The following SLC2A9 variants were observed in gnomAD, a reference collection of about 807,000 sequenced individuals.
The protein encoded by SLC2A9 is solute carrier family 2, facilitated glucose transporter member 9.
Under a neutral mutation model 50.6 loss-of-function variants are expected in SLC2A9, and 39 were observed. The observed-to-expected ratio is 0.77, with a 90% CI of 0.60 to 1.01. SLC2A9 has a LOEUF of 1.01. Ranked by LOEUF, SLC2A9 falls within the 50% of genes least tolerant of loss-of-function variation. SLC2A9 has a pLI of 0.00. For missense variants in SLC2A9, 686 were observed against 677.6 expected (o/e 1.01, Z -0.14); for synonymous variants, 324 against 276.9 (o/e 1.17, Z -1.69).
intron 3 of SLC2A9, among the ~76,000 whole-genome samples, chr4:9,807,905 A>G (rs1722333873): frequency 6.6e-6 from 1 of 152,228 alleles, no homozygotes; most frequent in African/African-American, 2.4e-5. Flanking sequence ...GTGAAGGTGG[A>G]CGACATGGTT....
chr4:9,786,065 C>G (rs1719180880), intron 3 of SLC2A9, among the ~76,000 whole-genome samples: 1 of 152,164 alleles, frequency 6.6e-6, no homozygotes, highest in South Asian at 2.1e-4. Flanking sequence ...GGGATTGTTC[C>G]TGGTGCCCTC....
intron 2 of SLC2A9, among the ~76,000 whole-genome samples, chr4:10,014,670 C>T (rs987053954): frequency 2.0e-5 from 3 of 152,212 alleles, no homozygotes; most frequent in Admixed American, 6.5e-5. Context: ...TACAGTCCTT[C>T]AGCTGTCCTG....
chr4:9,902,473 T>C (rs1739819588), intron 8 of SLC2A9, among the ~76,000 whole-genome samples: 1 of 152,202 alleles, frequency 6.6e-6, no homozygotes, highest in East Asian at 1.9e-4. Flanking sequence ...CAAGAGTAAC[T>C]GCGTGAGTTT....
intron 3 of SLC2A9, among the ~76,000 whole-genome samples, chr4:9,792,200 A>G (rs940171286): frequency 2.3e-5 from 3 of 129,042 alleles, no homozygotes; most frequent in Non-Finnish European, 4.7e-5. Context: ...GCAGGGAGAC[A>G]GGGTCTTGCT....
At chr4:9,989,559 C>T (rs190007478) in intron 3 of SLC2A9, among the ~76,000 whole-genome samples, 2 of 152,164 alleles carry the variant, frequency 1.3e-5, no homozygotes, top group African/African-American at 2.4e-5. Context: ...AGACACCTGC[C>T]TTCCCTTGTT....
At chr4:9,786,553 G>A (rs921159704) in intron 3 of SLC2A9, among the ~76,000 whole-genome samples, 6 of 152,314 alleles carry the variant, frequency 3.9e-5, no homozygotes, top group Admixed American at 6.5e-5. Flanking sequence ...TGTTTGGAGG[G>A]AAGGCACCCT....
At chr4:9,783,730 T>TA (rs34514924) in intron 3 of SLC2A9, 14,001 of 300,094 alleles carry the variant, frequency 0.047, 9 homozygotes, top group South Asian at 0.069. Flanking sequence ...GCTGGGTCCT[T>TA]AAAAAAAAAA....
chr4:9,772,902 C>CA (rs1273666713), intron 1 of SLC2A9, among the ~76,000 whole-genome samples: 1 of 151,758 alleles, frequency 6.6e-6, no homozygotes, highest in Non-Finnish European at 1.5e-5. Context: ...ATACATGTGC[C>CA]ATGCTGGTGC....
intron 6 of SLC2A9, among the ~76,000 whole-genome samples, chr4:9,927,339 C>G (rs545588777): frequency 1.7e-4 from 26 of 152,330 alleles, no homozygotes; most frequent in African/African-American, 6.3e-4. Flanking sequence ...TTGTAAGCCA[C>G]TAACTCATGG....
At chr4:9,871,251 T>G (rs1246125265) in intron 10 of SLC2A9, among the ~76,000 whole-genome samples, 1 of 152,118 alleles carries the variant, frequency 6.6e-6, no homozygotes, top group Non-Finnish European at 1.5e-5. Flanking sequence ...TACAGCTATG[T>G]AGAGGATTAG....
At chr4:9,830,201 AAGTCCTTTGC>A (rs1359610779) in intron 11 of SLC2A9, among the ~76,000 whole-genome samples, 1 of 152,244 alleles carries the variant, frequency 6.6e-6, no homozygotes, top group Non-Finnish European at 1.5e-5. Context: ...GAATGAGATC[AAGTCCTTTGC>A]AGTGACATGG....
At chr4:9,832,362 G>A (rs543427609) in intron 11 of SLC2A9, among the ~76,000 whole-genome samples, 2 of 152,276 alleles carry the variant, frequency 1.3e-5, no homozygotes, top group South Asian at 4.1e-4. Flanking sequence ...GCTCCTCTCC[G>A]GAAAGGAAAT....
chr4:9,837,785 C>T (rs1340603313), intron 10 of SLC2A9, among the ~76,000 whole-genome samples: 1 of 152,114 alleles, frequency 6.6e-6, no homozygotes, highest in Non-Finnish European at 1.5e-5. Context: ...GCCTTCAGAC[C>T]AAGCCCTAAG....
chr4:9,780,265 A>G (rs1202220197), intron 3 of SLC2A9, among the ~76,000 whole-genome samples: 3 of 152,154 alleles, frequency 2.0e-5, no homozygotes, highest in Admixed American at 2.0e-4. Flanking sequence ...GGAAAGTGCC[A>G]CCATCAAACA....
intron 5 of SLC2A9, among the ~76,000 whole-genome samples, chr4:9,964,906 C>A (rs1055353837): frequency 1.3e-5 from 2 of 152,186 alleles, no homozygotes; most frequent in Admixed American, 1.3e-4. Flanking sequence ...GCTCAAGTCC[C>A]ACTGCCTCCC....
At chr4:9,880,895 G>A (rs1057409533) in intron 10 of SLC2A9, among the ~76,000 whole-genome samples, 5 of 152,180 alleles carry the variant, frequency 3.3e-5, no homozygotes, top group Admixed American at 6.5e-5. Flanking sequence ...TCTGCCTCCA[G>A]TTTCTTCTCA....
chr4:9,818,052 G>A (rs1407049215), intron 3 of SLC2A9, among the ~76,000 whole-genome samples: 1 of 152,162 alleles, frequency 6.6e-6, no homozygotes, highest in South Asian at 2.1e-4. Context: ...TTGGGGTTGA[G>A]GATTATAGGT....
chr4:9,783,285 C>A, intron 3 of SLC2A9: 1 of 1,614,206 alleles, frequency 6.2e-7, no homozygotes, highest in African/African-American at 1.3e-5. Context: ...AACGCCGTTA[C>A]CCCCGGCAAC....
chr4:10,024,561 T>C (rs55726913), upstream of SLC2A9, among the ~76,000 whole-genome samples: 1 of 152,228 alleles, frequency 6.6e-6, no homozygotes, highest in Admixed American at 6.5e-5. Flanking sequence ...CTTGGACTTC[T>C]GGTTTCTAAG....
Sources: gnomAD v4.1 joint callset for allele counts (sites outside exome capture counted in the v4.1 genomes callset) on GRCh38, gnomAD v4.1.1 for gene constraint, MANE v1.5 for transcripts, NCBI Gene and HGNC (gene_info 2026-07-23, HGNC 2026-07-21) for gene names.